The following ERICH3 variants were observed in gnomAD, a reference collection of about 807,000 sequenced individuals.
ERICH3 encodes the protein glutamate rich 3.
Under a neutral mutation model 131.1 loss-of-function variants are expected in ERICH3, and 126 were observed. The observed-to-expected ratio is 0.96, with a 90% CI of 0.83 to 1.11. ERICH3 has a LOEUF of 1.11. ERICH3 is among the 50% of genes most tolerant of loss of function. The probability of loss-of-function intolerance (pLI) is 0.00; values close to 1 mark genes in which losing one functional copy is unlikely to be tolerated. For synonymous variants in ERICH3, 695 were observed against 644.6 expected (o/e 1.08, Z -1.18); for missense variants, 2,050 against 1,810.7 (o/e 1.13, Z -2.40).
intron 1 of ERICH3, among the ~76,000 whole-genome samples, chr1:74,663,775 C>G (rs1646664057): frequency 6.6e-6 from 1 of 151,810 alleles, no homozygotes; most frequent in Non-Finnish European, 1.5e-5. Flanking sequence ...CCTGATATTA[C>G]TAAAAAATAT....
intron 7 of ERICH3, chr1:74,623,370 A>G (rs1649298279): frequency 2.0e-5 from 3 of 152,198 alleles, no homozygotes. Flanking sequence ...TTGATATACT[A>G]AGTTTTCACT....
intron 1 of ERICH3, among the ~76,000 whole-genome samples, chr1:74,658,035 C>T (rs1217316723): frequency 1.3e-5 from 2 of 152,156 alleles, no homozygotes; most frequent in African/African-American, 4.8e-5. Context: ...AGAGTAAACA[C>T]TCTGTATAAT....
In ERICH3 at chr1:74,663,115, G is replaced by A. The variant is rs191801246; in HGVS notation, c.23+10382C>T. Among the ~76,000 whole-genome samples, 144 of 152,266 alleles carry A rather than the reference G, an allele frequency of 9.5e-4. 1 individual carries two copies. The Middle Eastern group carries it at 0.01, about 11-fold the overall frequency. On this transcript the variant is annotated intron_variant, in intron 1 of 14. Transcript: ENST00000326665. The stretch of plus-strand genomic sequence containing the variant: ...AACTCTGCATCTAGCTCAGGACTTA[G>A]GTATGGAAGTTGTCCTGTAGAAATC...
In ERICH3 at chr1:74,589,840, G is replaced by A; in HGVS notation, c.1967C>T (p.Thr656Ile). The change falls in exon 12 of 15, where the codon ACC becomes ATC. Residue 656 changes from threonine to isoleucine, a missense_variant. Physicochemically the swap from Thr to Ile is moderately conservative, Grantham distance 89 (BLOSUM62 -1). Transcript: ENST00000326665. ...DQEITKADVE[T>I]KPMPIDESFE... is the part of the protein sequence containing the mutation. ...GCTTTCGTCTATTGGCATCGGCTTG[G>A]TCTCCACATCTGCTTTTGTTATTTC... 1 of 1,613,998 alleles carries A rather than the reference G, an allele frequency of 6.2e-7. No individual in the cohort carries two copies. Among genetic ancestry groups the A allele is most frequent in the Non-Finnish European group, 8.5e-7 (1 of 1,179,978 alleles).
At chr1:74,664,126 T>C (rs577582196) in intron 1 of ERICH3, among the ~76,000 whole-genome samples, 4 of 152,254 alleles carry the variant, frequency 2.6e-5, no homozygotes, top group Non-Finnish European at 5.9e-5. Context: ...TTAAGTAGTA[T>C]AGCTTTATCA....
rs566252901 is a variant in ERICH3 at position 74,658,862 on chromosome 1, A to G, written c.24-9547T>C. On this transcript the variant is annotated intron_variant, in intron 1 of 14. Transcript: ENST00000326665. ...TATTAAGCTCAATTTCCTCATCTGT[A>G]AAAGGGGAAAATAATTGTGCCTTAT... is the stretch of plus-strand genomic sequence containing the variant. Among the ~76,000 whole-genome samples the G allele has an allele frequency of 4.9e-4, 75 of 152,192 alleles. 1 individual carries two copies. The highest frequency in any genetic ancestry group is 7.9e-4 in the Non-Finnish European group (54 of 68,032).
intron 3 of ERICH3, 80 bp downstream of exon 3, chr1:74,646,587 T>C (rs1646486179): frequency 1.1e-6 from 1 of 877,364 alleles, no homozygotes; most frequent in African/African-American, 1.8e-5. Flanking sequence ...AAGAAAATAG[T>C]AAAGATTTAT....
rs1368776606 is a variant in ERICH3, at chr1:74,572,536, T to C, written c.3174A>G (p.Arg1058=). The change falls in exon 14 of 15, where the codon AGA becomes AGG. Residue 1058 remains arginine, a synonymous_variant. Transcript: ENST00000326665. The part of the protein sequence containing the change: ...EILPKELDLA[R]ERRKAERPKT... ...TTGGCCTCTCAGCTTTCCTTCGCTC[T>C]CTTGCTAAATCTAATTCCTTGGGTA... 1.9e-6 allele frequency: 3 copies of C among 1,614,150 alleles called. No homozygotes were observed. The East Asian group carries it at 6.7e-5, about 36-fold the overall frequency.
At chr1:74,634,889 C>A in intron 6 of ERICH3, 1 of 451,510 alleles carries the variant, frequency 2.2e-6, no homozygotes, top group Non-Finnish European at 3.9e-6. Flanking sequence ...CATTCTATTA[C>A]ACTATCTCCC....
chr1:74,628,630 G>T (rs908231038), intron 7 of ERICH3, among the ~76,000 whole-genome samples: 3 of 151,652 alleles, frequency 2.0e-5, no homozygotes, highest in African/African-American at 7.3e-5. Context: ...ACAAATTTTC[G>T]ACTGTGCAGA....
intron 11 of ERICH3, 133 bp from the exon 12 acceptor site, chr1:74,590,213 CAT>C: frequency 1.2e-6 from 1 of 819,422 alleles, no homozygotes. Flanking sequence ...ATCCTTTTCC[CAT>C]ATAGTCTACT....
intron 7 of ERICH3, chr1:74,623,240 T>G (rs957818208): frequency 1.3e-5 from 2 of 151,902 alleles, no homozygotes; most frequent in African/African-American, 4.9e-5. Flanking sequence ...TGCTTATGAC[T>G]TTCCTTCTCA....
intron 5 of ERICH3, among the ~76,000 whole-genome samples, chr1:74,640,841 A>G (rs1442159921): frequency 2.0e-5 from 3 of 152,254 alleles, no homozygotes; most frequent in East Asian, 1.9e-4. Context: ...GTACCATTGA[A>G]TATGTAGAGA....
chr1:74,618,321 T>G lies in ERICH3; in HGVS notation c.1000+2413A>C, dbSNP rs139160547. 1.1e-3 allele frequency among the ~76,000 whole-genome samples: 172 copies of G among 152,068 alleles called. 1 individual carries two copies. The highest frequency in any genetic ancestry group is 8.2e-4 in the Non-Finnish European group (56 of 67,996). On this transcript the variant is annotated intron_variant, in intron 8 of 14. Transcript: ENST00000326665. ...CCTAAAAGATGGGTAAGATTTGAAT[T>G]TGAAAAGGAGAAAAGAGAAAGTATT...
Position 74,606,771 on chromosome 1 carries a change from G to C in ERICH3, c.1319C>G (p.Pro440Arg). 1 of 1,613,168 alleles carries C rather than the reference G, an allele frequency of 6.2e-7. No individual in the cohort carries two copies. Among genetic ancestry groups the C allele is most frequent in the Non-Finnish European group, 8.5e-7 (1 of 1,179,558 alleles). ...KVRKEREYVI[P>R]KRNEIKENKT... ...GTTCTCCTTGATCTCATTTCTTTTT[G>C]GTATCACATACTCTCTCTCTTTCCT... is the stretch of plus-strand genomic sequence containing the variant. The change falls in exon 10 of 15, where the codon CCA becomes CGA. Residue 440 changes from proline to arginine, a missense_variant. By Grantham distance (103) the Pro-to-Arg change is moderately radical. Coordinates refer to ENST00000326665, the MANE Select transcript of ERICH3 (RefSeq NM_001002912.5).
chr1:74,624,452 CCTTTCTCTTCT>C (rs776462541), intron 7 of ERICH3: 6 of 152,182 alleles, frequency 3.9e-5, no homozygotes, highest in Non-Finnish European at 8.8e-5. Context: ...CATGTTCTTC[CCTTTCTCTTCT>C]CTTTCTCTCT....
At chr1:74,585,266 A>G (rs1647275762) in intron 12 of ERICH3, among the ~76,000 whole-genome samples, 1 of 152,188 alleles carries the variant, frequency 6.6e-6, no homozygotes, top group African/African-American at 2.4e-5. Context: ...ATGCCCTGTA[A>G]TACTGGATTA....
chr1:74,635,043 T>C (rs1466242988), intron 6 of ERICH3, among the ~76,000 whole-genome samples: 2 of 152,072 alleles, frequency 1.3e-5, no homozygotes, highest in African/African-American at 2.4e-5. Flanking sequence ...CTGAATATCA[T>C]TGAGTTGCCC....
At chr1:74,630,957 G>T (rs796871763) in intron 7 of ERICH3, among the ~76,000 whole-genome samples, 43 of 152,252 alleles carry the variant, frequency 2.8e-4, no homozygotes, top group African/African-American at 9.6e-4. Flanking sequence ...GAGAAGGTTA[G>T]AGGTAAGGAC....
Sources: allele counts gnomAD v4.1 joint callset (sites outside exome capture counted in the v4.1 genomes callset), GRCh38; gene constraint gnomAD v4.1.1; transcripts MANE v1.5; gene names NCBI Gene and HGNC (gene_info 2026-07-23, HGNC 2026-07-21).